Variants in SORCS2 observed in about 807,000 individuals in gnomAD.
SORCS2 encodes the protein sortilin related VPS10 domain containing receptor 2.
In SORCS2, 100 loss-of-function variants were observed where a neutral mutation model predicts 141.6. The observed-to-expected ratio is 0.71, with a 90% CI of 0.60 to 0.83. The LOEUF (loss-of-function observed/expected upper bound fraction) is 0.83, where lower values mean the gene tolerates loss of function less well. Among genes scored for constraint, SORCS2 ranks in the 40% least tolerant of loss-of-function variants. The probability of loss-of-function intolerance (pLI) is 0.00; values close to 1 mark genes in which losing one functional copy is unlikely to be tolerated. For missense variants in SORCS2, 1,646 were observed against 1,560.2 expected, an observed-to-expected ratio of 1.05 and a Z score of -0.93; for synonymous variants, 789 against 676.9, an observed-to-expected ratio of 1.17 and a Z score of -2.57.
intron 12 of SORCS2, among the ~76,000 whole-genome samples, chr4:7,700,800 C>G (rs1301671094): frequency 6.6e-6 from 1 of 152,308 alleles, no homozygotes; most frequent in East Asian, 1.9e-4. Flanking sequence ...AATCCCCACT[C>G]CAGCCTGCGA....
At chr4:7,612,918 G>A (rs1025434109) in intron 3 of SORCS2, among the ~76,000 whole-genome samples, 1 of 152,226 alleles carries the variant, frequency 6.6e-6, no homozygotes, top group Non-Finnish European at 1.5e-5. Context: ...AAGAAGGGCT[G>A]GGGGAGGAGA....
intron 2 of SORCS2, chr4:7,433,870 A>T: frequency 6.2e-7 from 1 of 1,613,808 alleles, no homozygotes; most frequent in Non-Finnish European, 8.5e-7. Context: ...CACCAAGATG[A>T]TGCACTCCTT....
rs78731665 is a variant in SORCS2, at chr4:7,670,129, G to T, written c.1161+2916G>T. ...CTTAGTTGCTTGGGCAAGCTGGGCT[G>T]CTGTCACAAACAAAGTTGGAATAGA... On this transcript the variant is annotated intron_variant, in intron 8 of 26. Coordinates refer to ENST00000507866, the MANE Select transcript of SORCS2 (RefSeq NM_020777.3). Among the ~76,000 whole-genome samples, 1,041 of 152,326 alleles carry T rather than the reference G, an allele frequency of 6.8e-3. 33 individuals are homozygous for T. Among genetic ancestry groups the T allele is most frequent in the Admixed American group, 0.047 (719 of 15,304 alleles).
intron 3 of SORCS2, among the ~76,000 whole-genome samples, chr4:7,539,205 A>T (rs1056532438): frequency 4.6e-5 from 7 of 152,166 alleles, no homozygotes; most frequent in African/African-American, 1.7e-4. Flanking sequence ...CTTTGGGCAC[A>T]GGGCCCTGCC....
intron 25 of SORCS2, among the ~76,000 whole-genome samples, chr4:7,735,027 G>A (rs1237635280): frequency 2.0e-5 from 3 of 152,336 alleles, no homozygotes; most frequent in South Asian, 2.1e-4. Flanking sequence ...ATCCCCCGAC[G>A]CTGGGACGCG....
chr4:7,734,154 A>AGCTGGGGATGGGCGGGGGACAG, intron 24 of SORCS2, 118 bp from the exon 25 acceptor site: 1 of 594,346 alleles, frequency 1.7e-6, no homozygotes, highest in Non-Finnish European at 2.7e-6. Context: ...GCAGGGGACA[A>AGCTGGGGATGGGCGGGGGACAG]GCTGGGGATG....
chr4:7,500,157 T>A (rs1469461429), intron 2 of SORCS2, among the ~76,000 whole-genome samples: 1 of 152,026 alleles, frequency 6.6e-6, no homozygotes, highest in Non-Finnish European at 1.5e-5. Context: ...CCCTGCCCGG[T>A]GGTACGTCCA....
chr4:7,526,003 C>G (rs537239856), intron 2 of SORCS2, among the ~76,000 whole-genome samples: 2 of 127,882 alleles, frequency 1.6e-5, no homozygotes, highest in Non-Finnish European at 1.7e-5. Context: ...CCTGCAGTCA[C>G]CTGTCCCCTC....
At chr4:7,640,864 C>G (rs1483218073) in intron 4 of SORCS2, among the ~76,000 whole-genome samples, 1 of 152,066 alleles carries the variant, frequency 6.6e-6, no homozygotes, top group Non-Finnish European at 1.5e-5. Flanking sequence ...ATAGCACATG[C>G]CTCTTTCTCT....
At chr4:7,237,855 T>TA (rs1390055078) in intron 1 of SORCS2, among the ~76,000 whole-genome samples, 1 of 151,986 alleles carries the variant, frequency 6.6e-6, no homozygotes, top group Non-Finnish European at 1.5e-5. Flanking sequence ...GGATGTTTTT[T>TA]AGAGTGTGAT....
chr4:7,229,380 C>A (rs1053257934), intron 1 of SORCS2, among the ~76,000 whole-genome samples: 1 of 152,176 alleles, frequency 6.6e-6, no homozygotes, highest in African/African-American at 2.4e-5. Flanking sequence ...GCACCCGGGA[C>A]TGAGAATCAA....
At chr4:7,203,076 G>A (rs1727560178) in intron 1 of SORCS2, among the ~76,000 whole-genome samples, 1 of 152,216 alleles carries the variant, frequency 6.6e-6, no homozygotes, top group African/African-American at 2.4e-5. Context: ...CAGTCACACA[G>A]CTAGTGAGGA....
At chr4:7,398,076 G>T (rs1262288271) in intron 2 of SORCS2, among the ~76,000 whole-genome samples, 4 of 152,146 alleles carry the variant, frequency 2.6e-5, no homozygotes, top group Non-Finnish European at 5.9e-5. Context: ...TCTGAACAGG[G>T]AACGATCTTT....
rs997911120 is a variant in SORCS2 at position 7,741,654 on chromosome 4, C to T, written c.*1390C>T. 2 of 175,912 alleles carry T rather than the reference C, an allele frequency of 1.1e-5. No individual in the cohort carries two copies. Among genetic ancestry groups the T allele is most frequent in the African/African-American group, 4.8e-5 (2 of 41,808 alleles). The allele number at this position is 175,912 out of a possible 1,614,324, so 10.9% of individuals were successfully genotyped here. A position where few individuals can be genotyped will look rare whatever the true frequency, so the allele number is the denominator to read the frequency against. On this transcript the variant is annotated 3_prime_UTR_variant, in exon 27 of 27. Coordinates refer to ENST00000507866, the MANE Select transcript of SORCS2 (RefSeq NM_020777.3). ...CTCAGAGCGGGAGAACGCCAGAGCC[C>T]TGGATGGTGATGCGCTGGCTGGGGG... is the stretch of plus-strand genomic sequence containing the variant.
chr4:7,550,398 G>C (rs529624650), intron 3 of SORCS2, among the ~76,000 whole-genome samples: 2 of 152,312 alleles, frequency 1.3e-5, no homozygotes, highest in East Asian at 3.9e-4. Flanking sequence ...AAAGGAAATG[G>C]AGCCTCCTGG....
chr4:7,403,694 C>T (rs776299044), intron 2 of SORCS2, among the ~76,000 whole-genome samples: 4 of 151,858 alleles, frequency 2.6e-5, no homozygotes, highest in Admixed American at 6.6e-5. Flanking sequence ...GAGAAGGTTA[C>T]ACAACATTTC....
In SORCS2 at chr4:7,710,865, G is replaced by A. The variant is rs984615739; in HGVS notation, c.1869-1868G>A. On this transcript the variant is annotated intron_variant, in intron 14 of 26. Transcript: ENST00000507866. The stretch of plus-strand genomic sequence containing the variant: ...CAGCTAGGAGGGCTCCCAGGCCGAG[G>A]GCTCAAGCCCCATTTCCCCACTCCT... 2.0e-5 allele frequency among the ~76,000 whole-genome samples: 3 copies of A among 152,224 alleles called. No individual in the cohort carries two copies. In the East Asian group the frequency reaches 5.8e-4, roughly 29 times the overall value.
chr4:7,581,578 C>T (rs148370276), intron 3 of SORCS2, among the ~76,000 whole-genome samples: 2 of 152,288 alleles, frequency 1.3e-5, no homozygotes, highest in African/African-American at 2.4e-5. Flanking sequence ...GCGGGGGTAC[C>T]TAACTGTAGC....
chr4:7,428,711 G>A (rs1726622246), intron 2 of SORCS2, among the ~76,000 whole-genome samples: 1 of 152,196 alleles, frequency 6.6e-6, no homozygotes, highest in African/African-American at 2.4e-5. Flanking sequence ...GGAGAGGAAA[G>A]AACAAGGGGA....
Sources: gnomAD v4.1 joint callset for allele counts (sites outside exome capture counted in the v4.1 genomes callset) on GRCh38, gnomAD v4.1.1 for gene constraint, MANE v1.5 for transcripts, NCBI Gene and HGNC (gene_info 2026-07-23, HGNC 2026-07-21) for gene names.